The following CSMD3 variants were observed in gnomAD, a reference collection of about 807,000 sequenced individuals.
CSMD3 encodes CUB and sushi domain-containing protein 3.
Under a neutral mutation model 435.2 loss-of-function variants are expected in CSMD3, and 177 were observed. The ratio of observed to expected loss-of-function variants is 0.41; its 90% CI spans 0.36 to 0.46. The LOEUF (loss-of-function observed/expected upper bound fraction) is 0.46, where lower values mean the gene tolerates loss of function less well. CSMD3 is among the 20% of genes least tolerant of loss of function. CSMD3 has a pLI of 0.34. For synonymous variants in CSMD3, 1,656 were observed against 1,520.5 expected (o/e 1.09, Z -2.07); for missense variants, 4,265 against 4,504.6 (o/e 0.95, Z 1.52).
intron 4 of CSMD3, among the ~76,000 whole-genome samples, chr8:113,158,453 TAATAA>T (rs1002591171): frequency 2.0e-5 from 3 of 152,082 alleles, no homozygotes; most frequent in Non-Finnish European, 2.9e-5. Flanking sequence ...AAATACAAGA[TAATAA>T]AATAAAATAG....
At chr8:112,476,553 T>G (rs1174125429) in intron 31 of CSMD3, among the ~76,000 whole-genome samples, 3 of 152,146 alleles carry the variant, frequency 2.0e-5, no homozygotes, top group African/African-American at 7.2e-5. Context: ...CTTAAGAACA[T>G]ACTTTGCAAA....
At chr8:112,535,746 G>A (rs1440731986) in intron 27 of CSMD3, among the ~76,000 whole-genome samples, 3 of 152,188 alleles carry the variant, frequency 2.0e-5, no homozygotes, top group South Asian at 4.1e-4. Context: ...AAAGCTGGAG[G>A]TATCATGCTA....
At chr8:113,197,116 C>G (rs1271192348) in intron 3 of CSMD3, among the ~76,000 whole-genome samples, 1 of 151,132 alleles carries the variant, frequency 6.6e-6, no homozygotes, top group Non-Finnish European at 1.5e-5. Context: ...CATATACAGG[C>G]TGAGCATTAC....
At chr8:112,577,084 G>C (rs1830002685) in intron 23 of CSMD3, among the ~76,000 whole-genome samples, 1 of 151,848 alleles carries the variant, frequency 6.6e-6, no homozygotes, top group Non-Finnish European at 1.5e-5. Flanking sequence ...AATGAAACTG[G>C]ATCATTCAAC....
chr8:113,038,477 T>G (rs1352998686), intron 5 of CSMD3, among the ~76,000 whole-genome samples: 1 of 152,106 alleles, frequency 6.6e-6, no homozygotes, highest in Non-Finnish European at 1.5e-5. Context: ...CAGAATAGAA[T>G]TTAGCAAGAT....
At chr8:113,252,224 C>T (rs1239564021) in intron 3 of CSMD3, among the ~76,000 whole-genome samples, 1 of 151,982 alleles carries the variant, frequency 6.6e-6, no homozygotes, top group Non-Finnish European at 1.5e-5. Context: ...TCCAATTTCT[C>T]CCTGATGGAA....
At chr8:112,668,835 T>C (rs2075588221) in intron 16 of CSMD3, among the ~76,000 whole-genome samples, 1 of 150,462 alleles carries the variant, frequency 6.6e-6, no homozygotes, top group African/African-American at 2.4e-5. Flanking sequence ...CTCGGGCACA[T>C]GAGAGGAAAA....
intron 2 of CSMD3, among the ~76,000 whole-genome samples, chr8:113,290,140 T>C (rs996418053): frequency 2.6e-5 from 4 of 151,740 alleles, no homozygotes; most frequent in Non-Finnish European, 5.9e-5. Flanking sequence ...TAATCTGAAA[T>C]AATTATAGAA....
chr8:112,343,015 A>ATATATT (rs1476160810), intron 41 of CSMD3, among the ~76,000 whole-genome samples: 8 of 92,918 alleles, frequency 8.6e-5, no homozygotes, highest in African/African-American at 2.2e-4. Context: ...ATATATATAT[A>ATATATT]TTTATATATA....
intron 32 of CSMD3, among the ~76,000 whole-genome samples, chr8:112,419,901 C>A (rs374425783): frequency 6.6e-6 from 1 of 151,972 alleles, no homozygotes; most frequent in African/African-American, 2.4e-5. Flanking sequence ...ACACAATAAG[C>A]GATTCCATTG....
intron 45 of CSMD3, among the ~76,000 whole-genome samples, chr8:112,332,282 C>A (rs948567139): frequency 6.7e-6 from 1 of 148,806 alleles, no homozygotes; most frequent in Non-Finnish European, 1.5e-5. Context: ...GCAGTGATCA[C>A]CATGAGTTCA....
intron 3 of CSMD3, among the ~76,000 whole-genome samples, chr8:113,216,557 A>G (rs770596412): frequency 2.0e-5 from 3 of 151,986 alleles, no homozygotes; most frequent in Non-Finnish European, 4.4e-5. Context: ...ATGAAAAGGT[A>G]AATGGTACCA....
intron 3 of CSMD3, among the ~76,000 whole-genome samples, chr8:113,253,226 A>G (rs12547550): frequency 0.3 from 45,909 of 151,762 alleles, 8,046 homozygotes; most frequent in East Asian, 0.7. Flanking sequence ...CTGACAAAAA[A>G]AAACTGACTT....
intron 3 of CSMD3, among the ~76,000 whole-genome samples, chr8:113,261,928 T>C (rs1237558442): frequency 1.3e-5 from 2 of 152,054 alleles, no homozygotes; most frequent in African/African-American, 2.4e-5. Flanking sequence ...CCCTTCCTTA[T>C]CTTCAAAATA....
At chr8:113,269,395 T>C (rs2093499856) in intron 3 of CSMD3, among the ~76,000 whole-genome samples, 1 of 152,160 alleles carries the variant, frequency 6.6e-6, no homozygotes, top group East Asian at 1.9e-4. Context: ...CAAGGTAATT[T>C]ATAGATTCAG....
Position 112,732,149 on chromosome 8 carries a change from T to C in CSMD3, c.1973-42099A>G, listed in dbSNP as rs369523407. On this transcript the variant is annotated intron_variant, in intron 13 of 70. Transcript: ENST00000297405. Reference sequence around the variant, plus strand: ...CATGCATTTGTATTTTCAGGTTGCATTGATACTCAGCTATACTCTAGAGAC... The same window carrying C: ...CATGCATTTGTATTTTCAGGTTGCACTGATACTCAGCTATACTCTAGAGAC... Among the ~76,000 whole-genome samples the C allele has an allele frequency of 2.4e-4, 36 of 152,152 alleles. 1 individual carries two copies. In the South Asian group the frequency reaches 6.2e-3, roughly 26 times the overall value.
At position 112,382,314 on chromosome 8, in the gene CSMD3, A is replaced by C. The variant is rs909491866; in HGVS notation, c.6031+1253T>G. On this transcript the variant is annotated intron_variant, in intron 37 of 70. Transcript: ENST00000297405. ...TGCAAAAAAAAAAAAAAAATTAATA[A>C]TACTACTAATAAAGTATTACCCCTA... Among the ~76,000 whole-genome samples the C allele has an allele frequency of 5.9e-5, 9 of 151,722 alleles. 1 individual carries two copies. The highest frequency in any genetic ancestry group is 1.4e-4 in the African/African-American group (6 of 41,460).
At chr8:112,879,328 TTAGGAAATTCCAGCCTAGTAAATCC>T (rs1336272918) in intron 10 of CSMD3, among the ~76,000 whole-genome samples, 5 of 152,214 alleles carry the variant, frequency 3.3e-5, no homozygotes, top group African/African-American at 1.2e-4. Context: ...CTTGCTAGGA[TTAGGAAATTCCAGCCTAGTAAATCC>T]TAGTCAGATG....
At chr8:112,237,124 AATG>A (rs1813661674) in intron 67 of CSMD3, 63 bp downstream of exon 67, 8 of 1,513,538 alleles carry the variant, frequency 5.3e-6, no homozygotes, top group Non-Finnish European at 6.4e-6. Context: ...CATTACTAAA[AATG>A]ATGAAATCAT....
Sources: gnomAD v4.1 joint callset for allele counts (sites outside exome capture counted in the v4.1 genomes callset) on GRCh38, gnomAD v4.1.1 for gene constraint, MANE v1.5 for transcripts, NCBI Gene and HGNC (gene_info 2026-07-23, HGNC 2026-07-21) for gene names.